Variants in PDE11A observed in about 807,000 individuals in gnomAD.
The protein encoded by PDE11A is phosphodiesterase 11A.
A neutral mutation model predicts 100.5 loss-of-function variants in PDE11A; 100 were observed. The ratio of observed to expected loss-of-function variants is 1.00; its 90% CI spans 0.85 to 1.18. PDE11A has a LOEUF of 1.18. Among genes scored for constraint, PDE11A ranks in the 50% most tolerant of loss-of-function variants. The probability of loss-of-function intolerance (pLI) is 0.00; values close to 1 mark genes in which losing one functional copy is unlikely to be tolerated. For synonymous variants in PDE11A, 381 were observed against 420.8 expected (o/e 0.91, Z 1.16); for missense variants, 1,141 against 1,152.6 (o/e 0.99, Z 0.15).
chr2:177,873,371 T>C (rs1255202103), intron 5 of PDE11A, among the ~76,000 whole-genome samples: 2 of 152,222 alleles, frequency 1.3e-5, no homozygotes, highest in African/African-American at 4.8e-5. Context: ...ACATTCTATT[T>C]AGGAAAATTG....
At chr2:177,889,619 A>T (rs2084497646) in intron 4 of PDE11A, among the ~76,000 whole-genome samples, 1 of 145,938 alleles carries the variant, frequency 6.9e-6, no homozygotes. Flanking sequence ...TTTATTTTCA[A>T]TTTTATTATT....
intron 2 of PDE11A, among the ~76,000 whole-genome samples, chr2:177,910,363 T>C (rs1392767813): frequency 6.6e-6 from 1 of 151,896 alleles, no homozygotes; most frequent in Non-Finnish European, 1.5e-5. Context: ...AAACAAAATA[T>C]TTTAATCTTT....
chr2:178,068,978 T>G (rs1258213515), intron 1 of PDE11A, among the ~76,000 whole-genome samples: 1 of 152,146 alleles, frequency 6.6e-6, no homozygotes, highest in East Asian at 1.9e-4. Context: ...AATACTTAAT[T>G]TAAGGGTGGA....
chr2:177,986,168 C>G (rs1210783047), intron 2 of PDE11A, among the ~76,000 whole-genome samples: 1 of 152,134 alleles, frequency 6.6e-6, no homozygotes, highest in African/African-American at 2.4e-5. Flanking sequence ...TAAAACACAC[C>G]TGTTATCATC....
chr2:177,675,012 T>C (rs193249671), intron 17 of PDE11A, among the ~76,000 whole-genome samples: 1 of 152,262 alleles, frequency 6.6e-6, no homozygotes, highest in Non-Finnish European at 1.5e-5. Context: ...AATTGGATAC[T>C]GCATATTTTG....
intron 1 of PDE11A, chr2:178,018,172 G>C (rs1254000496): frequency 3.2e-6 from 1 of 313,570 alleles, no homozygotes; most frequent in Non-Finnish European, 6.3e-6. Context: ...TGTTTCCAAG[G>C]CTGCGTCTGT....
chr2:178,000,424 C>T (rs1159275532), intron 2 of PDE11A, among the ~76,000 whole-genome samples: 1 of 152,176 alleles, frequency 6.6e-6, no homozygotes, highest in Non-Finnish European at 1.5e-5. Context: ...GTAATTTATA[C>T]TGGAAAACCT....
intron 2 of PDE11A, among the ~76,000 whole-genome samples, chr2:177,996,815 A>G (rs1013608289): frequency 3.3e-5 from 5 of 152,206 alleles, no homozygotes; most frequent in Admixed American, 1.3e-4. Context: ...GAAAGAGGAA[A>G]ATCAGTAACT....
intron 5 of PDE11A, among the ~76,000 whole-genome samples, chr2:177,861,668 T>C (rs1595443): frequency 0.21 from 31,832 of 151,808 alleles, 3,502 homozygotes; most frequent in Middle Eastern, 0.27. Flanking sequence ...TTTTAGATTT[T>C]AAAACTTACT....
intron 9 of PDE11A, among the ~76,000 whole-genome samples, chr2:177,805,280 T>C (rs1365442028): frequency 6.6e-6 from 1 of 152,036 alleles, no homozygotes; most frequent in African/African-American, 2.4e-5. Context: ...TCCTGTATTT[T>C]CTCCTTACAA....
chr2:177,818,492 A>G (rs2083080766), intron 7 of PDE11A, among the ~76,000 whole-genome samples: 1 of 151,900 alleles, frequency 6.6e-6, no homozygotes, highest in Admixed American at 6.6e-5. Context: ...TCATCTGTAA[A>G]ATGGGGATTA....
At chr2:177,930,551 T>C (rs563458262) in intron 2 of PDE11A, among the ~76,000 whole-genome samples, 2 of 152,252 alleles carry the variant, frequency 1.3e-5, no homozygotes, top group South Asian at 4.1e-4. Flanking sequence ...TAACAGAGAA[T>C]ACTGAATAGT....
intron 2 of PDE11A, among the ~76,000 whole-genome samples, chr2:177,915,589 T>G (rs1431337056): frequency 6.6e-6 from 1 of 152,242 alleles, no homozygotes; most frequent in Non-Finnish European, 1.5e-5. Flanking sequence ...TGTTTATCCA[T>G]TCACCTATTG....
chr2:177,998,373 A>G (rs777049583), intron 2 of PDE11A: 19 of 825,638 alleles, frequency 2.3e-5, no homozygotes, highest in Non-Finnish European at 3.9e-5. Context: ...CAATGAACCT[A>G]AAGTCCCTTT....
intron 5 of PDE11A, among the ~76,000 whole-genome samples, chr2:177,854,006 G>A (rs78785350): frequency 0.011 from 1,710 of 150,770 alleles, 27 homozygotes; most frequent in East Asian, 0.075. Flanking sequence ...GATTCAATTT[G>A]TTAAAATATT....
At chr2:177,893,282 T>A (rs1213262177) in intron 4 of PDE11A, among the ~76,000 whole-genome samples, 2 of 152,180 alleles carry the variant, frequency 1.3e-5, no homozygotes, top group Non-Finnish European at 2.9e-5. Flanking sequence ...AATTTTATAT[T>A]ATTTATTTAT....
intron 9 of PDE11A, among the ~76,000 whole-genome samples, chr2:177,785,290 T>A (rs1265255175): frequency 3.0e-5 from 4 of 134,682 alleles, no homozygotes; most frequent in African/African-American, 1.2e-4. Context: ...TGGGCCCAGA[T>A]AGGAGAGAAC....
intron 19 of PDE11A, among the ~76,000 whole-genome samples, chr2:177,649,526 G>A (rs2080278339): frequency 6.6e-6 from 1 of 152,096 alleles, no homozygotes; most frequent in African/African-American, 2.4e-5. Context: ...TATGGAGCAG[G>A]ATATACACTA....
intron 10 of PDE11A, among the ~76,000 whole-genome samples, chr2:177,765,600 C>T (rs1031892246): frequency 1.3e-5 from 2 of 152,188 alleles, no homozygotes; most frequent in African/African-American, 4.8e-5. Context: ...CATTAGGCTG[C>T]TGCCTTCTGT....
Sources: allele counts gnomAD v4.1 joint callset (sites outside exome capture counted in the v4.1 genomes callset), GRCh38; gene constraint gnomAD v4.1.1; transcripts MANE v1.5; gene names NCBI Gene and HGNC (gene_info 2026-07-23, HGNC 2026-07-21).